Variants in CERS6 observed in about 807,000 individuals in gnomAD.
CERS6 encodes LAG1 homolog, ceramide synthase 6.
A neutral mutation model predicts 56.8 loss-of-function variants in CERS6; 26 were observed. The ratio of observed to expected loss-of-function variants is 0.46; its 90% CI spans 0.34 to 0.63. CERS6 has a LOEUF of 0.63. CERS6 is among the 30% of genes least tolerant of loss of function. The pLI is 0.01. For missense variants in CERS6, 415 were observed against 467.5 expected (o/e 0.89, Z 1.04); for synonymous variants, 164 against 173.3 (o/e 0.95, Z 0.42).
intron 4 of CERS6, among the ~76,000 whole-genome samples, chr2:168,652,058 A>G (rs1453129968): frequency 6.6e-6 from 1 of 151,376 alleles, no homozygotes; most frequent in Non-Finnish European, 1.5e-5. Flanking sequence ...CAGCTTCACA[A>G]CAACCATTAC....
intron 1 of CERS6, among the ~76,000 whole-genome samples, chr2:168,527,361 C>T (rs781036012): frequency 1.3e-5 from 2 of 152,146 alleles, no homozygotes; most frequent in African/African-American, 4.8e-5. Context: ...GTCGATTAAC[C>T]TATGTCATAT....
At chr2:168,529,146 G>A (rs563766760) in intron 1 of CERS6, among the ~76,000 whole-genome samples, 1 of 152,292 alleles carries the variant, frequency 6.6e-6, no homozygotes, top group South Asian at 2.1e-4. Context: ...GTTTGTTGAT[G>A]TTGAGAATCA....
rs533778782 is a variant in CERS6 at position 168,556,837 on chromosome 2, T to C, written c.277-4355T>C. 4.6e-5 allele frequency among the ~76,000 whole-genome samples: 7 copies of C among 152,000 alleles called. No homozygotes were observed. In the East Asian group the frequency reaches 5.8e-4, roughly 13 times the overall value. Reference sequence around the variant, plus strand: ...TAACCAGAAACCAATAGTTTACATATATAAAAGCAAACAATAAGCATTAAA... The same window carrying C: ...TAACCAGAAACCAATAGTTTACATACATAAAAGCAAACAATAAGCATTAAA... On this transcript the variant is annotated intron_variant, in intron 2 of 9. Coordinates refer to ENST00000305747, the MANE Select transcript of CERS6 (RefSeq NM_203463.3).
intron 4 of CERS6, among the ~76,000 whole-genome samples, chr2:168,683,210 T>G (rs961627938): frequency 6.6e-5 from 10 of 152,200 alleles, no homozygotes; most frequent in Non-Finnish European, 8.8e-5. Flanking sequence ...AAATTACCCT[T>G]TAGAAAGGTT....
At chr2:168,500,412 C>T (rs1694558348) in intron 1 of CERS6, among the ~76,000 whole-genome samples, 1 of 152,162 alleles carries the variant, frequency 6.6e-6, no homozygotes, top group Non-Finnish European at 1.5e-5. Flanking sequence ...TAACTGGTGA[C>T]ATCAGGGAAA....
At chr2:168,630,848 G>A (rs1211186643) in intron 3 of CERS6, 137 bp from the exon 4 acceptor site, 2 of 437,300 alleles carry the variant, frequency 4.6e-6, no homozygotes, top group Non-Finnish European at 8.3e-6. Flanking sequence ...CACTGAAATT[G>A]CTCATTAAGT....
At chr2:168,672,057 A>T (rs954319716) in intron 4 of CERS6, among the ~76,000 whole-genome samples, 18 of 152,186 alleles carry the variant, frequency 1.2e-4, no homozygotes, top group African/African-American at 4.3e-4. Flanking sequence ...TCTCAGCTCA[A>T]TTACTAAAGT....
At chr2:168,693,741 C>T (rs1686566107) in intron 5 of CERS6, among the ~76,000 whole-genome samples, 1 of 152,106 alleles carries the variant, frequency 6.6e-6, no homozygotes, top group African/African-American at 2.4e-5. Context: ...ACTCTGATGG[C>T]CTAATTAGCT....
intron 8 of CERS6, among the ~76,000 whole-genome samples, chr2:168,755,331 T>A (rs1684384945): frequency 6.6e-6 from 1 of 152,240 alleles, no homozygotes. Context: ...GCTCTAGCTC[T>A]CTTAAATGCT....
chr2:168,478,643 G>C (rs148995357), intron 1 of CERS6, among the ~76,000 whole-genome samples: 1 of 152,118 alleles, frequency 6.6e-6, no homozygotes. Context: ...GGTGATTCTC[G>C]TGCATGTGAA....
intron 3 of CERS6, among the ~76,000 whole-genome samples, chr2:168,619,032 C>T (rs1439950085): frequency 6.6e-6 from 1 of 152,124 alleles, no homozygotes; most frequent in Non-Finnish European, 1.5e-5. Context: ...ACCAATGGAA[C>T]AGAACAGAGA....
intron 3 of CERS6, among the ~76,000 whole-genome samples, chr2:168,604,538 T>C (rs1684007360): frequency 6.6e-6 from 1 of 152,166 alleles, no homozygotes; most frequent in Non-Finnish European, 1.5e-5. Flanking sequence ...CATGTTGAAA[T>C]GTAATTCTCA....
intron 1 of CERS6, among the ~76,000 whole-genome samples, chr2:168,466,506 A>T (rs1693880103): frequency 6.6e-6 from 1 of 152,216 alleles, no homozygotes; most frequent in South Asian, 2.1e-4. Context: ...TTGAGTATTT[A>T]AAGATGATTT....
At chr2:168,721,225 C>T (rs1574190334) in intron 8 of CERS6, among the ~76,000 whole-genome samples, 1 of 152,178 alleles carries the variant, frequency 6.6e-6, no homozygotes, top group African/African-American at 2.4e-5. Flanking sequence ...TCTTTTGTAA[C>T]AGTTCTTTCA....
At chr2:168,616,695 A>G (rs1187636733) in intron 3 of CERS6, among the ~76,000 whole-genome samples, 4 of 152,214 alleles carry the variant, frequency 2.6e-5, no homozygotes, top group Admixed American at 2.6e-4. Context: ...TCACAATTCT[A>G]AATATTTATG....
intron 3 of CERS6, among the ~76,000 whole-genome samples, chr2:168,613,238 G>A (rs973929500): frequency 1.3e-5 from 2 of 152,192 alleles, no homozygotes; most frequent in Admixed American, 6.5e-5. Context: ...TGAGCCTCAG[G>A]TGCCGACGTT....
At chr2:168,688,155 C>A (rs966162213) in intron 4 of CERS6, among the ~76,000 whole-genome samples, 5 of 152,248 alleles carry the variant, frequency 3.3e-5, no homozygotes, top group Admixed American at 3.3e-4. Flanking sequence ...GCTTAACTTT[C>A]TAAATTGAGG....
At chr2:168,696,998 C>G (rs1188152207) in intron 6 of CERS6, among the ~76,000 whole-genome samples, 1 of 152,134 alleles carries the variant, frequency 6.6e-6, no homozygotes, top group African/African-American at 2.4e-5. Context: ...TGTATCATTT[C>G]TTGGTTAAAT....
chr2:168,507,023 T>C (rs10183216), intron 1 of CERS6, among the ~76,000 whole-genome samples: 13,591 of 152,166 alleles, frequency 0.089, 1,223 homozygotes, highest in African/African-American at 0.22. Flanking sequence ...ACTGTATTTG[T>C]CCCATGTGTG....
Sources: gnomAD v4.1 joint callset for allele counts (sites outside exome capture counted in the v4.1 genomes callset) on GRCh38, gnomAD v4.1.1 for gene constraint, MANE v1.5 for transcripts, NCBI Gene and HGNC (gene_info 2026-07-23, HGNC 2026-07-21) for gene names.